NTNG2: variants seen among roughly 807,000 people sequenced by gnomAD.
NTNG2 encodes netrin-G2.
A neutral mutation model predicts 47.6 loss-of-function variants in NTNG2; 15 were observed. That is an observed-to-expected ratio of 0.32 (90% CI 0.21 to 0.49). The LOEUF (loss-of-function observed/expected upper bound fraction) is 0.49, where lower values mean the gene tolerates loss of function less well. Among genes scored for constraint, NTNG2 ranks in the 20% least tolerant of loss-of-function variants. NTNG2 has a pLI of 0.99. For missense variants in NTNG2, 578 were observed against 764.6 expected (o/e 0.76, Z 2.88); for synonymous variants, 307 against 324.6 (o/e 0.95, Z 0.58).
At chr9:132,188,477 C>T (rs1372595416) in intron 2 of NTNG2, among the ~76,000 whole-genome samples, 3 of 152,228 alleles carry the variant, frequency 2.0e-5, no homozygotes, top group African/African-American at 7.2e-5. Context: ...CTTATCCCAC[C>T]TCAGCTGCTG....
chr9:132,205,195 A>T (rs1839074308), intron 3 of NTNG2, among the ~76,000 whole-genome samples: 1 of 152,232 alleles, frequency 6.6e-6, no homozygotes, highest in Admixed American at 6.5e-5. Context: ...GAGTAGTCAA[A>T]AGGTAGAAAC....
rs557502474 is a variant in NTNG2, at chr9:132,180,437, G to T, written c.213+13393G>T. 3.9e-5 allele frequency among the ~76,000 whole-genome samples: 6 copies of T among 152,206 alleles called. No individual in the cohort carries two copies. On this transcript the variant is annotated intron_variant, in intron 2 of 7. Transcript: ENST00000393229. The surrounding 1 kb of genome is among the most constrained non-coding windows in gnomAD (Gnocchi z 4.2). ...GTGGAGAAGGCTGTTAATCCAGAAC[G>T]CACCTTGTCTCTGCCCCTGTCCCCA... is the stretch of plus-strand genomic sequence containing the variant.
At chr9:132,183,982 C>G (rs1041735123) in intron 2 of NTNG2, among the ~76,000 whole-genome samples, 1 of 152,176 alleles carries the variant, frequency 6.6e-6, no homozygotes, top group East Asian at 1.9e-4. Context: ...GTGGCCAAAT[C>G]TAAGAGCTGC....
chr9:132,230,162 A>C (rs1411586505), intron 4 of NTNG2, among the ~76,000 whole-genome samples: 7 of 152,142 alleles, frequency 4.6e-5, no homozygotes, highest in Non-Finnish European at 8.8e-5. Context: ...GCCACACTGC[A>C]CTTCTTAGAC....
intron 2 of NTNG2, among the ~76,000 whole-genome samples, chr9:132,176,176 C>G (rs765612093): frequency 2.8e-5 from 4 of 145,174 alleles, no homozygotes; most frequent in Non-Finnish European, 6.0e-5. Context: ...TAGTGAGACC[C>G]CATCTCTCAA....
At chr9:132,169,585 C>G (rs1374829831) in intron 2 of NTNG2, among the ~76,000 whole-genome samples, 1 of 152,220 alleles carries the variant, frequency 6.6e-6, no homozygotes, top group Non-Finnish European at 1.5e-5. Flanking sequence ...CTGGGAACTG[C>G]CTGTAGCCAA....
intron 2 of NTNG2, among the ~76,000 whole-genome samples, chr9:132,174,464 T>G (rs972156858): frequency 5.9e-5 from 9 of 152,208 alleles, no homozygotes; most frequent in Non-Finnish European, 1.3e-4. Context: ...CATCCCGCAC[T>G]TCTGGGATGT....
At chr9:132,209,770 G>A (rs535808612) in intron 3 of NTNG2, among the ~76,000 whole-genome samples, 3 of 152,078 alleles carry the variant, frequency 2.0e-5, no homozygotes, top group East Asian at 1.9e-4. Flanking sequence ...TTTTGAAAAC[G>A]TTTTGCTCGG....
At chr9:132,174,160 AGACG>A (rs1163090119) in intron 2 of NTNG2, among the ~76,000 whole-genome samples, 6 of 134,882 alleles carry the variant, frequency 4.4e-5, no homozygotes, top group African/African-American at 1.2e-4. Context: ...GCTGCGGATG[AGACG>A]GACGGACGGA....
rs891719774 is a variant in NTNG2 at position 132,231,700 on chromosome 9, C to T, written c.1054+1105C>T. The stretch of plus-strand genomic sequence containing the variant: ...AAAGGCCCTGTGGCCACTGCGGCCA[C>T]CACAGCCATGACAGGGGCCCCTACT... On this transcript the variant is annotated intron_variant, in intron 5 of 7. Transcript: ENST00000393229. The surrounding 1 kb of genome is among the most constrained non-coding windows in gnomAD (Gnocchi z 4.1). 2 of 235,116 alleles carry T rather than the reference C, an allele frequency of 8.5e-6. No homozygotes were observed. Among genetic ancestry groups the T allele is most frequent in the African/African-American group, 4.7e-5 (2 of 42,334 alleles). The allele number at this position is 235,116 out of a possible 1,614,324, so 14.6% of individuals were successfully genotyped here.
chr9:132,184,217 G>T (rs1837161659), intron 2 of NTNG2, among the ~76,000 whole-genome samples: 1 of 152,192 alleles, frequency 6.6e-6, no homozygotes, highest in Admixed American at 6.5e-5. Context: ...GAGACCAGCA[G>T]GAAGAAACCC....
intron 4 of NTNG2, 33 bp downstream of exon 4, chr9:132,227,054 A>G (rs1428093516): frequency 1.3e-6 from 2 of 1,558,362 alleles, no homozygotes; most frequent in Non-Finnish European, 8.7e-7. Flanking sequence ...ACGAGCCCAC[A>G]TGGCTATAAT....
At chr9:132,198,653 G>A in intron 3 of NTNG2, 44 bp downstream of exon 3, 2 of 1,573,054 alleles carry the variant, frequency 1.3e-6, no homozygotes, top group Non-Finnish European at 1.7e-6. Context: ...AACCTGGGAT[G>A]CTATCTGTTA....
chr9:132,179,239 C>T (rs1282195407), intron 2 of NTNG2, among the ~76,000 whole-genome samples: 1 of 152,216 alleles, frequency 6.6e-6, no homozygotes, highest in Non-Finnish European at 1.5e-5. Context: ...GATGCCTGCC[C>T]GGATGCCACC....
In NTNG2 at chr9:132,221,343, G is replaced by A. The variant is rs933745817; in HGVS notation, c.858-5506G>A. On this transcript the variant is annotated intron_variant, in intron 3 of 7. Transcript: ENST00000393229. The surrounding 1 kb of genome is among the most constrained non-coding windows in gnomAD (Gnocchi z 4.2). ...GAGAGACAAAGAGACAGGAGAAGAC[G>A]GAGACATGGAGAGAGGGGCACTGAG... 6.6e-6 allele frequency among the ~76,000 whole-genome samples: 1 copy of A among 152,128 alleles called. No homozygotes were observed. The highest frequency in any genetic ancestry group is 1.5e-5 in the Non-Finnish European group (1 of 68,028).
rs778588337 is a variant in NTNG2 at position 132,240,988 on chromosome 9, C to T, written c.1301C>T (p.Ala434Val). The T allele has an allele frequency of 9.3e-6, 15 of 1,610,758 alleles. No homozygotes were observed. The highest frequency in any genetic ancestry group is 1.7e-5 in the Admixed American group (1 of 59,956). The change falls in exon 7 of 8, where the codon GCG becomes GTG. Residue 434 changes from alanine to valine, a missense_variant. By Grantham distance (64) the Ala-to-Val change is moderately conservative. Transcript: ENST00000393229. The part of the protein sequence containing the change: ...TGFCECREGA[A>V]GPKCDDCLPT... ...TTCTGCGAGTGCCGCGAGGGCGCGGCGGGCCCCAAGTGCGACGACTGCCTC... is the reference window on the plus strand; with the variant it reads ...TTCTGCGAGTGCCGCGAGGGCGCGGTGGGCCCCAAGTGCGACGACTGCCTC...
At position 132,162,569 on chromosome 9, in the gene NTNG2, AGTGTGTGTGT is replaced by A. The variant is rs769570116; in HGVS notation, c.-484+369_-484+378del. On this transcript the variant is annotated intron_variant, in intron 1 of 7. Coordinates refer to ENST00000393229, the MANE Select transcript of NTNG2 (RefSeq NM_032536.4). The surrounding 1 kb of genome is among the most constrained non-coding windows in gnomAD (Gnocchi z 4.6). ...GTGTGTGTGTGTGAGAGAGAGACAG[AGTGTGTGTGT>A]GTGTGTGTGTGTGTGTGTGTGTGTG... Among the ~76,000 whole-genome samples, 3,306 of 112,456 alleles carry A rather than the reference AGTGTGTGTGT, an allele frequency of 0.029. 207 individuals are homozygous for A. The highest frequency in any genetic ancestry group is 0.096 in the African/African-American group (2,713 of 28,308). 73.8% of individuals were successfully genotyped at this position (112,456 alleles called of 152,430 possible).
In NTNG2 at chr9:132,198,567, A is replaced by G. The variant is rs1201505921; in HGVS notation, c.815A>G (p.Tyr272Cys). 1.9e-6 allele frequency: 3 copies of G among 1,612,876 alleles called. No homozygotes were observed. The highest frequency in any genetic ancestry group is 1.7e-5 in the Admixed American group (1 of 60,014). The change falls in exon 3 of 8, where the codon TAC becomes TGC. Residue 272 changes from tyrosine (Y) to cysteine (C), a missense_variant. Tyr to Cys is a radical substitution (Grantham distance 194). Coordinates refer to ENST00000393229, the MANE Select transcript of NTNG2 (RefSeq NM_032536.4). ...ACCTATGTGCAGCGGGAGAACCTCT[A>G]CAAGTACTTCTACGCCATCTCCAAC... ...GGTYVQRENLYKYFYAISNIE... is the reference protein window; with the variant it reads ...GGTYVQRENLCKYFYAISNIE...
In NTNG2 at chr9:132,236,150, G is replaced by A. The variant is rs982309688; in HGVS notation, c.1055-2954G>A. Among the ~76,000 whole-genome samples the A allele has an allele frequency of 1.3e-5, 2 of 152,228 alleles. No homozygotes were observed. The highest frequency in any genetic ancestry group is 6.5e-5 in the Admixed American group (1 of 15,286). On this transcript the variant is annotated intron_variant, in intron 5 of 7. Transcript: ENST00000393229. The surrounding 1 kb of genome is among the most constrained non-coding windows in gnomAD (Gnocchi z 4.3). Reference sequence around the variant, plus strand: ...GTCAGAGGGGGCTTCCTGCAGGAGCGGGGGCCATGAGACCTCGGAGGGTGG... The same window carrying A: ...GTCAGAGGGGGCTTCCTGCAGGAGCAGGGGCCATGAGACCTCGGAGGGTGG...
Sources: gnomAD v4.1 joint callset for allele counts (sites outside exome capture counted in the v4.1 genomes callset) on GRCh38, gnomAD v4.1.1 for gene constraint, Gnocchi (gnomAD v3.1) non-coding constraint, MANE v1.5 for transcripts, NCBI Gene and HGNC (gene_info 2026-07-23, HGNC 2026-07-21) for gene names.